PTPRN2: variants seen among roughly 807,000 people sequenced by gnomAD.
PTPRN2 encodes the protein receptor-type tyrosine-protein phosphatase N2.
Under a neutral mutation model 118.8 loss-of-function variants are expected in PTPRN2, and 74 were observed. That is an observed-to-expected ratio of 0.62 (90% confidence interval 0.52 to 0.76). The LOEUF is 0.76. PTPRN2 is among the 30% of genes least tolerant of loss of function. The pLI is 0.00. For synonymous variants in PTPRN2, 641 were observed against 608.0 expected (o/e 1.05, Z -0.80); for missense variants, 1,481 against 1,394.4 (o/e 1.06, Z -0.99).
intron 3 of PTPRN2, among the ~76,000 whole-genome samples, chr7:158,254,822 G>A (rs1796920854): frequency 6.6e-6 from 1 of 152,258 alleles, no homozygotes; most frequent in Admixed American, 6.5e-5. Flanking sequence ...CTTTGCACCT[G>A]AAGAAACAAA....
intron 1 of PTPRN2, among the ~76,000 whole-genome samples, chr7:158,504,182 C>T (rs565849201): frequency 6.6e-6 from 1 of 152,236 alleles, no homozygotes; most frequent in South Asian, 2.1e-4. Flanking sequence ...TCATACTGTA[C>T]ACACACCTTT....
chr7:157,882,020 C>G (rs1347454332), intron 12 of PTPRN2, among the ~76,000 whole-genome samples: 1 of 151,922 alleles, frequency 6.6e-6, no homozygotes, highest in Non-Finnish European at 1.5e-5. Flanking sequence ...ACATGCTGCC[C>G]CAAAAATGAC....
chr7:157,909,578 G>C (rs1284760363), intron 11 of PTPRN2, among the ~76,000 whole-genome samples: 2 of 152,218 alleles, frequency 1.3e-5, no homozygotes, highest in Non-Finnish European at 2.9e-5. Context: ...CCTTCAGCGC[G>C]GGACGCCCCG....
chr7:158,065,414 G>A (rs1169142189), intron 11 of PTPRN2, among the ~76,000 whole-genome samples: 1 of 152,232 alleles, frequency 6.6e-6, no homozygotes, highest in African/African-American at 2.4e-5. Flanking sequence ...ATCCTGCAGT[G>A]AGCAGGGGCA....
At chr7:157,855,096 A>G (rs1212777083) in intron 12 of PTPRN2, among the ~76,000 whole-genome samples, 367 of 77,310 alleles carry the variant, frequency 4.7e-3, no homozygotes, top group Middle Eastern at 0.017. Flanking sequence ...CGTTGCAGGG[A>G]TGTGTGTGGG....
intron 11 of PTPRN2, among the ~76,000 whole-genome samples, chr7:158,062,554 T>C (rs1387886029): frequency 6.6e-6 from 1 of 151,994 alleles, no homozygotes; most frequent in African/African-American, 2.4e-5. Context: ...CTCCCTCTGC[T>C]TGTGGGGAGG....
At chr7:158,089,748 A>AC (rs1374334959) in intron 10 of PTPRN2, among the ~76,000 whole-genome samples, 61 of 141,284 alleles carry the variant, frequency 4.3e-4, no homozygotes, top group African/African-American at 8.3e-4. Flanking sequence ...GTCTTCACAC[A>AC]AACCTTCTTC....
At chr7:158,446,256 A>G (rs183706906) in intron 2 of PTPRN2, among the ~76,000 whole-genome samples, 20 of 152,346 alleles carry the variant, frequency 1.3e-4, no homozygotes. Context: ...AGACAGAGAA[A>G]AATTACCCCC....
chr7:158,074,976 C>T (rs1812232592), intron 11 of PTPRN2, among the ~76,000 whole-genome samples: 1 of 152,236 alleles, frequency 6.6e-6, no homozygotes, highest in African/African-American at 2.4e-5. Context: ...ACATGCGGCT[C>T]CTGGCGTTCC....
At chr7:157,782,415 C>T (rs779847918) in intron 12 of PTPRN2, among the ~76,000 whole-genome samples, 3 of 152,320 alleles carry the variant, frequency 2.0e-5, no homozygotes, top group East Asian at 1.9e-4. Flanking sequence ...TATCTGAAAA[C>T]GGTGAATCAG....
intron 3 of PTPRN2, among the ~76,000 whole-genome samples, chr7:158,208,004 G>A (rs570401818): frequency 1.3e-5 from 2 of 152,184 alleles, no homozygotes; most frequent in Non-Finnish European, 2.9e-5. Context: ...CTGACCCATT[G>A]CAGAATGCCT....
intron 11 of PTPRN2, among the ~76,000 whole-genome samples, chr7:158,071,861 CTCG>C (rs1585343021): frequency 9.9e-5 from 1 of 10,108 alleles, no homozygotes; most frequent in South Asian, 9.6e-3. Flanking sequence ...GGTGGAGGTG[CTCG>C]TCATATGGAG....
At chr7:157,747,060 G>C (rs1468299173) in intron 12 of PTPRN2, among the ~76,000 whole-genome samples, 38 of 113,392 alleles carry the variant, frequency 3.4e-4, no homozygotes, top group South Asian at 6.1e-4. Flanking sequence ...GAGCTGTGGG[G>C]TGTCCGGGTG....
intron 12 of PTPRN2, among the ~76,000 whole-genome samples, chr7:157,877,919 A>G (rs1487919512): frequency 6.6e-6 from 1 of 152,246 alleles, no homozygotes; most frequent in Admixed American, 6.5e-5. Flanking sequence ...GTGAGATTTT[A>G]AAATGTGTGT....
At chr7:158,554,995 T>C (rs192093534) in intron 1 of PTPRN2, among the ~76,000 whole-genome samples, 2 of 152,214 alleles carry the variant, frequency 1.3e-5, no homozygotes, top group Non-Finnish European at 2.9e-5. Flanking sequence ...CGGCCCCTCC[T>C]CGACTACCAA....
intron 15 of PTPRN2, chr7:157,613,946 G>C: frequency 2.2e-6 from 1 of 456,666 alleles, no homozygotes; most frequent in Non-Finnish European, 4.6e-6. Context: ...GGCCAGGGGC[G>C]ACCCTCCCGT....
intron 3 of PTPRN2, among the ~76,000 whole-genome samples, chr7:158,284,775 C>G (rs151110079): frequency 5.7e-4 from 87 of 152,302 alleles, no homozygotes; most frequent in South Asian, 2.5e-3. Context: ...CAGGTGCAGG[C>G]GATGAATGTA....
chr7:158,008,242 G>A (rs1203860407), intron 11 of PTPRN2, among the ~76,000 whole-genome samples: 2 of 152,096 alleles, frequency 1.3e-5, no homozygotes, highest in Non-Finnish European at 2.9e-5. Context: ...AGGAATGAAC[G>A]GATCCATGAA....
At chr7:157,640,848 A>G (rs1310987666) in intron 14 of PTPRN2, among the ~76,000 whole-genome samples, 1 of 152,238 alleles carries the variant, frequency 6.6e-6, no homozygotes, top group African/African-American at 2.4e-5. Context: ...GATCAAAGAC[A>G]TTTTCAGACA....
Sources: gnomAD v4.1 joint callset for allele counts (sites outside exome capture counted in the v4.1 genomes callset) on GRCh38, gnomAD v4.1.1 for gene constraint, MANE v1.5 for transcripts, NCBI Gene and HGNC (gene_info 2026-07-23, HGNC 2026-07-21) for gene names.